The following ZNF318 variants were observed in gnomAD, a reference collection of about 807,000 sequenced individuals.
The protein encoded by ZNF318 is zinc finger protein 318.
Under a neutral mutation model 124.2 loss-of-function variants are expected in ZNF318, and 51 were observed. That is an observed-to-expected ratio of 0.41 (90% CI 0.33 to 0.52). The LOEUF is 0.52. Among genes scored for constraint, ZNF318 ranks in the 20% least tolerant of loss-of-function variants. The probability of loss-of-function intolerance (pLI) is 0.23; values close to 1 mark genes in which losing one functional copy is unlikely to be tolerated. For synonymous variants in ZNF318, 1,090 were observed against 1,040.7 expected, an observed-to-expected ratio of 1.05 and a Z score of -0.91; for missense variants, 2,815 against 2,811.2, an observed-to-expected ratio of 1.00 and a Z score of -0.03.
At chr6:43,345,269 A>C (rs1468178640) in intron 6 of ZNF318, among the ~76,000 whole-genome samples, 1 of 151,808 alleles carries the variant, frequency 6.6e-6, no homozygotes, top group Non-Finnish European at 1.5e-5. Flanking sequence ...AAAAGTAATA[A>C]TAACAGTTGT....
chr6:43,343,967 A>T (rs1291930737), intron 6 of ZNF318, among the ~76,000 whole-genome samples: 1 of 152,166 alleles, frequency 6.6e-6, no homozygotes, highest in African/African-American at 2.4e-5. Context: ...GGAACAAGGC[A>T]CTCAGGAAAT....
chr6:43,340,622 A>ATACGGGATGC (rs1231460120), intron 9 of ZNF318, 120 bp from the exon 10 acceptor site: 9 of 1,506,082 alleles, frequency 6.0e-6, no homozygotes, highest in Non-Finnish European at 7.9e-6. Flanking sequence ...CCTCAAGGAC[A>ATACGGGATGC]TACGGGATGC....
intron 4 of ZNF318, among the ~76,000 whole-genome samples, chr6:43,353,516 A>T (rs911675183): frequency 6.6e-6 from 1 of 152,088 alleles, no homozygotes; most frequent in Non-Finnish European, 1.5e-5. Context: ...CTGGGACTAC[A>T]GGCGCGTGCC....
At chr6:43,359,920 A>T (rs1213200660) in intron 2 of ZNF318, among the ~76,000 whole-genome samples, 1 of 152,212 alleles carries the variant, frequency 6.6e-6, no homozygotes, top group Non-Finnish European at 1.5e-5. Flanking sequence ...CTGAAATCAA[A>T]CTGAGGTAAA....
Position 43,338,401 on chromosome 6 carries a change from T to C in ZNF318, c.5597A>G (p.Lys1866Arg). The C allele has an allele frequency of 6.2e-7, 1 of 1,614,188 alleles. No individual in the cohort carries two copies. The highest frequency in any genetic ancestry group is 8.5e-7 in the Non-Finnish European group (1 of 1,180,026). Residue 1866 changes from lysine (K) to arginine (R), a missense_variant, in exon 10 of 10, where the codon AAA (lysine) becomes AGA (arginine). By Grantham distance (26) the Lys-to-Arg change is conservative. Around this residue, in one of 4 missense-constraint regions of ZNF318, gnomAD observed 927 missense variants for 820.6 expected, o/e 1.13. Coordinates refer to ENST00000361428, the MANE Select transcript of ZNF318 (RefSeq NM_014345.3). The stretch of plus-strand genomic sequence containing the variant: ...AGCTTCTGATAAAAATGAGTCTAAT[T>C]TTGCCTTTGTGAAAGAGCAAGCCTG... ...SPQACSFTKA[K>R]LDSFLSEARS...
chr6:43,346,383 AG>A (rs1321896067), intron 6 of ZNF318, among the ~76,000 whole-genome samples: 1 of 151,908 alleles, frequency 6.6e-6, no homozygotes, highest in African/African-American at 2.4e-5. Flanking sequence ...CGGCAGGCTG[AG>A]GCAGAAGAAT....
At position 43,357,637 on chromosome 6, in the gene ZNF318, G is replaced by T. The variant is rs1262605382; in HGVS notation, c.677C>A (p.Thr226Lys). The T allele has an allele frequency of 1.2e-6, 2 of 1,614,046 alleles. No individual in the cohort carries two copies. Among genetic ancestry groups the T allele is most frequent in the East Asian group, 2.2e-5 (1 of 44,876 alleles). Reference protein sequence around the residue: ...FLGQLDEDYRTKETFLHRSDY... With the variant: ...FLGQLDEDYRKKETFLHRSDY... ...AGATCGATGCAGGAAAGTTTCTTTT[G>T]TTCGGTAGTCCTCATCAAGTTGTCC... is the stretch of plus-strand genomic sequence containing the variant. The change falls in exon 3 of 10, where the codon ACA becomes AAA. Residue 226 changes from threonine to lysine, a missense_variant. By Grantham distance (78) the Thr-to-Lys change is moderately conservative. Transcript: ENST00000361428.
chr6:43,358,838 G>A (rs1779645674), intron 2 of ZNF318, among the ~76,000 whole-genome samples: 2 of 152,206 alleles, frequency 1.3e-5, no homozygotes, highest in South Asian at 2.1e-4. Flanking sequence ...TTACAGGCGT[G>A]AGCCTCCACA....
chr6:43,339,056 T>C lies in ZNF318; in HGVS notation c.4942A>G (p.Lys1648Glu), dbSNP rs1282425384. 8.1e-6 allele frequency: 13 copies of C among 1,614,240 alleles called. No individual in the cohort carries two copies. The highest frequency in any genetic ancestry group is 1.1e-5 in the Non-Finnish European group (13 of 1,180,040). The change falls in exon 10 of 10, where the codon AAA becomes GAA. Residue 1648 changes from lysine to glutamate, a missense_variant. Around this residue, in one of 4 missense-constraint regions of ZNF318, gnomAD observed 927 missense variants for 820.6 expected, o/e 1.13. Transcript: ENST00000361428. This position sits in a 1 kb window ranked among gnomAD's most constrained non-coding sequence, Gnocchi z 4.2. ...IVSNSEKPIA[K>E]TLVALGKWSV... ...CATTTCCCTAGGGCCACCAGAGTTT[T>C]TGCAATGGGCTTTTCAGAGTTGCTA...
In ZNF318 at chr6:43,357,750, A is replaced by G; in HGVS notation, c.564T>C (p.Asp188=). Residue 188 remains aspartate, a synonymous_variant, in exon 3 of 10, where the codon GAT becomes GAC. Transcript: ENST00000361428. Reference sequence around the variant, plus strand: ...GGGAGCTTCGAGTGAAGACAGAATCATCAGTCAGGTCATCCCTGAGGAAAA... The same window carrying G: ...GGGAGCTTCGAGTGAAGACAGAATCGTCAGTCAGGTCATCCCTGAGGAAAA... The part of the protein sequence containing the change: ...LEDMDRDDLT[D]DSVFTRSSQC... 1 of 1,598,064 alleles carries G rather than the reference A, an allele frequency of 6.3e-7. No homozygotes were observed. The highest frequency in any genetic ancestry group is 8.5e-7 in the Non-Finnish European group (1 of 1,178,264).
At chr6:43,348,752 G>A in intron 5 of ZNF318, 127 bp from the exon 6 acceptor site, 2 of 1,127,792 alleles carry the variant, frequency 1.8e-6, no homozygotes, top group Non-Finnish European at 2.5e-6. Flanking sequence ...TTCTAAGAGT[G>A]GCTAGGCGTG....
chr6:43,340,098 A>C lies in ZNF318; in HGVS notation c.3900T>G (p.Ile1300Met), dbSNP rs1779350908. 1 of 1,614,114 alleles carries C rather than the reference A, an allele frequency of 6.2e-7. No individual in the cohort carries two copies. The highest frequency in any genetic ancestry group is 8.5e-7 in the Non-Finnish European group (1 of 1,180,016). Reference protein sequence around the residue: ...LVTPSISKEEILESSKDKEDG... With the variant: ...LVTPSISKEEMLESSKDKEDG... The stretch of plus-strand genomic sequence containing the variant: ...CCTCTTTGTCCTTACTACTTTCTAG[A>C]ATCTCTTCTTTAGAGATACTTGGGG... The change falls in exon 10 of 10, where the codon ATT becomes ATG. Residue 1300 changes from isoleucine to methionine, a missense_variant. Ile to Met is a conservative substitution (Grantham distance 10, BLOSUM62 1). Around this residue, in one of 4 missense-constraint regions of ZNF318, gnomAD observed 500 missense variants for 605.2 expected, o/e 0.83. Transcript: ENST00000361428.
chr6:43,356,214 C>T lies in ZNF318; in HGVS notation c.1189-69G>A, dbSNP rs566815897. ...AGAACATTAGTAATTGAGATAAATA[C>T]TTAAATACTTTGGTCTTCCTGAATT... On this transcript the variant is annotated intron_variant, in intron 3 of 9. Coordinates refer to ENST00000361428, the MANE Select transcript of ZNF318 (RefSeq NM_014345.3). 1.3e-3 allele frequency: 1,870 copies of T among 1,490,660 alleles called. 3 individuals are homozygous for T. Among genetic ancestry groups the T allele is most frequent in the Non-Finnish European group, 1.6e-3 (1,755 of 1,115,838 alleles). The allele number at this position is 1,490,660 out of a possible 1,614,324, so 92.3% of individuals were successfully genotyped here.
In ZNF318 at chr6:43,337,427, G is replaced by A. The variant is rs529881317; in HGVS notation, c.6571C>T (p.Leu2191Phe). Residue 2191 changes from leucine (L) to phenylalanine (F), a missense_variant, in exon 10 of 10, where the codon CTC becomes TTC. Physicochemically the swap from Leu to Phe is conservative, Grantham distance 22 (BLOSUM62 0). Coordinates refer to ENST00000361428, the MANE Select transcript of ZNF318 (RefSeq NM_014345.3). ...GVQKDKLCSP[L>F]SEPGDPSKCS... ...TTAGAAGGGTCACCTGGCTCAGAGA[G>A]TGGAGAACACAGTTTATCTTTTTGA... 30 of 1,614,200 alleles carry A rather than the reference G, an allele frequency of 1.9e-5. No individual in the cohort carries two copies. The highest frequency in any genetic ancestry group is 2.5e-5 in the Non-Finnish European group (29 of 1,180,038).
intron 3 of ZNF318, 127 bp from the exon 4 acceptor site, chr6:43,356,272 G>C (rs961820829): frequency 1.6e-5 from 16 of 992,170 alleles, no homozygotes; most frequent in African/African-American, 3.3e-5. Flanking sequence ...ATAAAAGGGA[G>C]GAAAAGTATC....
intron 2 of ZNF318, among the ~76,000 whole-genome samples, chr6:43,360,423 T>C (rs920485789): frequency 1.3e-5 from 2 of 152,210 alleles, no homozygotes; most frequent in African/African-American, 4.8e-5. Flanking sequence ...TCCTATACCC[T>C]GAAAGAGTCC....
At position 43,356,117 on chromosome 6, in the gene ZNF318, G is replaced by A. The variant is rs1390536739; in HGVS notation, c.1217C>T (p.Ser406Phe). ...AGAGTAGAGAGGGTGATCCTGGCTGGAGCTGGTACTGCTGGAAAAACTCTC... is the reference window on the plus strand; with the variant it reads ...AGAGTAGAGAGGGTGATCCTGGCTGAAGCTGGTACTGCTGGAAAAACTCTC... ...QLESFSSSTS[S>F]SQDHPLYSGH... is the part of the protein sequence containing the mutation. Residue 406 changes from serine (S) to phenylalanine (F), a missense_variant, in exon 4 of 10, where the codon TCC (serine) becomes TTC (phenylalanine). Ser to Phe is a radical substitution (Grantham distance 155). Transcript: ENST00000361428. 3 of 1,612,772 alleles carry A rather than the reference G, an allele frequency of 1.9e-6. No homozygotes were observed. The highest frequency in any genetic ancestry group is 1.7e-5 in the Admixed American group (1 of 59,742).
Position 43,354,921 on chromosome 6 carries a change from A to G in ZNF318, c.2413T>C (p.Tyr805His). The change falls in exon 4 of 10, where the codon TAT (tyrosine) becomes CAT (histidine). Residue 805 changes from tyrosine (Y) to histidine (H), a missense_variant. Tyr to His is a moderately conservative substitution (Grantham distance 83). Coordinates refer to ENST00000361428, the MANE Select transcript of ZNF318 (RefSeq NM_014345.3). Reference protein sequence around the residue: ...MAYAASRWPMYPTSQPSNHPV... With the variant: ...MAYAASRWPMHPTSQPSNHPV... ...TGGTTTGACGGTTGAGAGGTGGGAT[A>G]CATGGGCCATCTGGAGGCTGCATAT... 6.2e-7 allele frequency: 1 copy of G among 1,611,792 alleles called. No individual in the cohort carries two copies. The highest frequency in any genetic ancestry group is 2.2e-5 in the East Asian group (1 of 44,844).
intron 4 of ZNF318, among the ~76,000 whole-genome samples, chr6:43,352,735 A>G (rs1779547069): frequency 6.6e-6 from 1 of 152,234 alleles, no homozygotes; most frequent in African/African-American, 2.4e-5. Context: ...GATAGCAACT[A>G]TTAGATAGTG....
Sources: allele counts gnomAD v4.1 joint callset (sites outside exome capture counted in the v4.1 genomes callset), GRCh38; gene constraint gnomAD v4.1.1; regional missense constraint gnomAD v4.1.1; non-coding constraint Gnocchi (gnomAD v3.1); transcripts MANE v1.5; gene names NCBI Gene and HGNC (gene_info 2026-07-23, HGNC 2026-07-21).